AKNAD1: variants seen among roughly 807,000 people sequenced by gnomAD.
AKNAD1 encodes the protein protein AKNAD1.
In AKNAD1, 67 loss-of-function variants were observed where a neutral mutation model predicts 90.8. The observed-to-expected ratio is 0.74, with a 90% CI of 0.61 to 0.90. AKNAD1 has a LOEUF of 0.90. Ranked by LOEUF, AKNAD1 falls within the 40% of genes least tolerant of loss-of-function variation. The pLI, the probability that AKNAD1 is intolerant of heterozygous loss-of-function variation, is 0.00. For synonymous variants in AKNAD1, 327 were observed against 341.4 expected (o/e 0.96, Z 0.46); for missense variants, 957 against 975.4 (o/e 0.98, Z 0.25).
intron 11 of AKNAD1, among the ~76,000 whole-genome samples, chr1:108,824,300 G>T (rs549155625): frequency 1.3e-5 from 2 of 152,166 alleles, no homozygotes; most frequent in African/African-American, 2.4e-5. Flanking sequence ...GGGGCCAGGC[G>T]GGTGAGCATG....
intron 2 of AKNAD1, among the ~76,000 whole-genome samples, chr1:108,850,636 A>T (rs1440789066): frequency 1.7e-5 from 2 of 117,122 alleles, no homozygotes; most frequent in African/African-American, 3.9e-5. Flanking sequence ...AATGGAAATT[A>T]AAAAAAAGAG....
intron 8 of AKNAD1, among the ~76,000 whole-genome samples, 161 bp from the exon 9 acceptor site, chr1:108,834,689 A>G (rs566599289): frequency 2.0e-5 from 3 of 151,504 alleles, no homozygotes; most frequent in South Asian, 4.2e-4. Flanking sequence ...CTTGACCTTC[A>G]CCTCTCCCCG....
chr1:108,830,925 T>G (rs1233936332), intron 9 of AKNAD1, among the ~76,000 whole-genome samples: 1 of 152,232 alleles, frequency 6.6e-6, no homozygotes, highest in African/African-American at 2.4e-5. Context: ...CCTGGCTTGC[T>G]TCCTTCCTCC....
rs1379202686 is a variant in AKNAD1, at chr1:108,827,274, C to T, written c.1867G>A (p.Gly623Arg). 8 of 1,611,424 alleles carry T rather than the reference C, an allele frequency of 5.0e-6. No individual in the cohort carries two copies. In the African/African-American group the frequency reaches 5.3e-5, roughly 11 times the overall value. ...GAAAATCTTCCACAGTTGATCCTTC[C>T]GTGGCCCTTTTTCTCCACGTTTTGC... ...WKQNVEKKGH[G>R]RINCGRFSIV... The change falls in exon 11 of 16, where the codon GGA becomes AGA. Residue 623 changes from glycine (G) to arginine (R), a missense_variant. Gly to Arg is a moderately radical substitution (Grantham distance 125). Transcript: ENST00000370001.
rs537976365 is a variant in AKNAD1, at chr1:108,822,276, G to T, written c.2167+1094C>A. On this transcript the variant is annotated intron_variant, in intron 13 of 15. Coordinates refer to ENST00000370001, the MANE Select transcript of AKNAD1 (RefSeq NM_152763.5). Reference sequence around the variant, plus strand: ...CCCCCTCCATTTTCTGTCTGCTCTAGTTGCTGTAAGGGTCTTTGTAACCTG... The same window carrying T: ...CCCCCTCCATTTTCTGTCTGCTCTATTTGCTGTAAGGGTCTTTGTAACCTG... Among the ~76,000 whole-genome samples the T allele has an allele frequency of 4.6e-5, 7 of 152,258 alleles. No individual in the cohort carries two copies. The East Asian group carries it at 1.4e-3, about 29-fold the overall frequency.
In AKNAD1 at chr1:108,824,991, G is replaced by A. The variant is rs548975762; in HGVS notation, c.1937-1303C>T. Among the ~76,000 whole-genome samples, 24 of 151,710 alleles carry A rather than the reference G, an allele frequency of 1.6e-4. 2 individuals are homozygous for A. The highest frequency in any genetic ancestry group is 2.8e-4 in the Non-Finnish European group (19 of 67,962). ...TGAAAGACACTGAAGCTTCCATCTC[G>A]GTATTTCTCTCTTGGATCACTTGCT... On this transcript the variant is annotated intron_variant, in intron 11 of 15. Transcript: ENST00000370001.
At chr1:108,856,251 T>C (rs1468534451) in intron 1 of AKNAD1, among the ~76,000 whole-genome samples, 1 of 152,154 alleles carries the variant, frequency 6.6e-6, no homozygotes, top group Non-Finnish European at 1.5e-5. Context: ...GTCCCAAAGT[T>C]ATCCTCATGC....
intron 1 of AKNAD1, among the ~76,000 whole-genome samples, chr1:108,854,278 A>C (rs1664968146): frequency 6.6e-6 from 1 of 152,212 alleles, no homozygotes; most frequent in Non-Finnish European, 1.5e-5. Context: ...TAGTAATCTC[A>C]AGTTTTAAGT....
intron 10 of AKNAD1, among the ~76,000 whole-genome samples, chr1:108,828,464 C>A (rs948839600): frequency 6.6e-6 from 1 of 151,682 alleles, no homozygotes; most frequent in Non-Finnish European, 1.5e-5. Context: ...ACAGTCATAG[C>A]CCCCAGGGAA....
chr1:108,823,532 C>G (rs989089684), intron 12 of AKNAD1, 34 bp downstream of exon 12: 1 of 1,611,802 alleles, frequency 6.2e-7, no homozygotes, highest in Non-Finnish European at 8.5e-7. Flanking sequence ...TGACTGTCCC[C>G]ACTCGCCTTT....
intron 7 of AKNAD1, chr1:108,836,694 G>C (rs1249373047): frequency 6.6e-6 from 1 of 152,222 alleles, no homozygotes; most frequent in Non-Finnish European, 1.5e-5. Context: ...GCCCCAGGCT[G>C]TGTCTTCAAA....
intron 6 of AKNAD1, among the ~76,000 whole-genome samples, chr1:108,839,421 C>A (rs149701112): frequency 7.1e-6 from 1 of 140,694 alleles, no homozygotes; most frequent in East Asian, 2.1e-4. Flanking sequence ...TGCAGCGAGC[C>A]AAGATCGCGC....
chr1:108,832,761 T>C (rs1299148171), intron 9 of AKNAD1, among the ~76,000 whole-genome samples: 1 of 152,104 alleles, frequency 6.6e-6, no homozygotes, highest in East Asian at 1.9e-4. Flanking sequence ...GTTTCAAAAA[T>C]AGCAAGATTA....
intron 7 of AKNAD1, 116 bp from the exon 8 acceptor site, chr1:108,835,172 T>C (rs1664343677): frequency 2.5e-6 from 3 of 1,189,408 alleles, no homozygotes; most frequent in Non-Finnish European, 3.4e-6. Context: ...CTGCCTGGCG[T>C]CCCCCCACCC....
Position 108,820,624 on chromosome 1 carries a change from A to G in AKNAD1, c.2170T>C (p.Phe724Leu), listed in dbSNP as rs1663782013. 1 of 1,600,406 alleles carries G rather than the reference A, an allele frequency of 6.2e-7. No individual in the cohort carries two copies. Among genetic ancestry groups the G allele is most frequent in the African/African-American group, 1.3e-5 (1 of 74,590 alleles). The change falls in exon 14 of 16, where the codon TTT becomes CTT. Residue 724 changes from phenylalanine (F) to leucine (L), a missense_variant and splice_region_variant. By Grantham distance (22) the Phe-to-Leu change is conservative (BLOSUM62 0). Coordinates refer to ENST00000370001, the MANE Select transcript of AKNAD1 (RefSeq NM_152763.5). ...LDESKNSSPS[F>L]LKPKRICSQR... ...GAACAGATCCGTTTGGGTTTTAAAAAAGCTGAAAAATGTTAGCTATCATTA... is the reference window on the plus strand; with the variant it reads ...GAACAGATCCGTTTGGGTTTTAAAAGAGCTGAAAAATGTTAGCTATCATTA...
At chr1:108,847,669 T>C (rs2101210459) in intron 5 of AKNAD1, among the ~76,000 whole-genome samples, 1 of 152,224 alleles carries the variant, frequency 6.6e-6, no homozygotes, top group South Asian at 2.1e-4. Context: ...CCTGCTGTTT[T>C]CTTTTTCTAG....
At chr1:108,851,502 C>T (rs1344363510) in intron 2 of AKNAD1, among the ~76,000 whole-genome samples, 170 bp downstream of exon 2, 3 of 152,168 alleles carry the variant, frequency 2.0e-5, no homozygotes, top group Non-Finnish European at 2.9e-5. Flanking sequence ...TGATGCTTCT[C>T]GTGAGGACAC....
intron 6 of AKNAD1, among the ~76,000 whole-genome samples, chr1:108,840,620 T>TTAAAAC (rs1664525300): frequency 1.3e-5 from 2 of 152,190 alleles, no homozygotes; most frequent in South Asian, 4.1e-4. Context: ...CTATAATAGT[T>TTAAAAC]TATGTGGATA....
rs371831293 is a variant in AKNAD1 at position 108,834,428 on chromosome 1, C to T, written c.1746+19G>A. 1.7e-5 allele frequency: 27 copies of T among 1,593,692 alleles called. No individual in the cohort carries two copies. Among genetic ancestry groups the T allele is most frequent in the Non-Finnish European group, 2.1e-5 (24 of 1,169,162 alleles). ...AACAATGAGAAGAACCCAGCCAGGC[C>T]CCGGCTGCAGGACATTACCCCAGAG... is the stretch of plus-strand genomic sequence containing the variant. On this transcript the variant is annotated intron_variant, in intron 9 of 15. Coordinates refer to ENST00000370001, the MANE Select transcript of AKNAD1 (RefSeq NM_152763.5).
Sources: gnomAD v4.1 joint callset for allele counts (sites outside exome capture counted in the v4.1 genomes callset) on GRCh38, gnomAD v4.1.1 for gene constraint, MANE v1.5 for transcripts, NCBI Gene and HGNC (gene_info 2026-07-23, HGNC 2026-07-21) for gene names.